The following PRKG1 variants were observed in gnomAD, a reference collection of about 807,000 sequenced individuals.
PRKG1 encodes cGMP-dependent protein kinase 1.
PRKG1 carries 35 observed loss-of-function variants against 88.1 expected under a neutral mutation model. The observed-to-expected ratio is 0.40, with a 90% confidence interval of 0.30 to 0.53. The LOEUF (loss-of-function observed/expected upper bound fraction) is 0.53. Among genes scored for constraint, PRKG1 ranks in the 20% least tolerant of loss-of-function variants. The pLI, the probability that PRKG1 is intolerant of heterozygous loss-of-function variation, is 0.59. For synonymous variants in PRKG1, 303 were observed against 292.5 expected, an observed-to-expected ratio of 1.04 and a Z score of -0.37; for missense variants, 540 against 839.8, an observed-to-expected ratio of 0.64 and a Z score of 4.41.
chr10:52,062,925 C>T (rs758243129), intron 7 of PRKG1: 93 of 640,522 alleles, frequency 1.5e-4, no homozygotes, highest in Non-Finnish European at 2.1e-4. Flanking sequence ...GAGAGGAATT[C>T]CCTGCTAAAC....
chr10:51,242,510 C>G (rs1010407803), intron 2 of PRKG1, among the ~76,000 whole-genome samples: 12 of 152,154 alleles, frequency 7.9e-5, no homozygotes, highest in Non-Finnish European at 1.6e-4. Context: ...TATTGTGCAT[C>G]TGTAATACCC....
chr10:51,770,099 A>G (rs1470743152), intron 3 of PRKG1, among the ~76,000 whole-genome samples: 1 of 152,242 alleles, frequency 6.6e-6, no homozygotes, highest in Non-Finnish European at 1.5e-5. Context: ...CAAATATACT[A>G]ACTTCCTGAA....
intron 7 of PRKG1, among the ~76,000 whole-genome samples, chr10:52,082,244 C>T (rs1198013073): frequency 6.6e-6 from 1 of 152,130 alleles, no homozygotes; most frequent in Non-Finnish European, 1.5e-5. Context: ...GTCCCTCCCG[C>T]AACATATGGG....
intron 2 of PRKG1, among the ~76,000 whole-genome samples, chr10:51,233,079 A>G (rs1033964510): frequency 2.6e-5 from 4 of 152,210 alleles, no homozygotes; most frequent in African/African-American, 9.6e-5. Flanking sequence ...TGCAAGATAC[A>G]TATGCGCAAG....
At chr10:51,516,896 A>G (rs1841601853) in intron 3 of PRKG1, among the ~76,000 whole-genome samples, 1 of 152,206 alleles carries the variant, frequency 6.6e-6, no homozygotes, top group African/African-American at 2.4e-5. Flanking sequence ...AAATATACAA[A>G]AATAAGTTAT....
chr10:51,725,780 C>T (rs1233628866), intron 3 of PRKG1, among the ~76,000 whole-genome samples: 2 of 151,938 alleles, frequency 1.3e-5, no homozygotes, highest in Non-Finnish European at 2.9e-5. Flanking sequence ...ACTACAGGCA[C>T]ATGCCACCAT....
intron 3 of PRKG1, among the ~76,000 whole-genome samples, chr10:51,707,834 T>A (rs1222282566): frequency 1.3e-5 from 2 of 152,188 alleles, no homozygotes. Flanking sequence ...ATTATCACAG[T>A]TGAATGATCC....
At chr10:51,274,037 G>T (rs1014698800) in intron 2 of PRKG1, among the ~76,000 whole-genome samples, 28 of 152,134 alleles carry the variant, frequency 1.8e-4, no homozygotes, top group Admixed American at 1.7e-3. Flanking sequence ...TCCCAAGTTT[G>T]TTGTGAGCTT....
At chr10:51,557,385 T>G (rs1404185420) in intron 3 of PRKG1, among the ~76,000 whole-genome samples, 2 of 151,264 alleles carry the variant, frequency 1.3e-5, no homozygotes, top group East Asian at 2.1e-4. Flanking sequence ...TAATTAGTAC[T>G]GCCTTTGGGT....
chr10:52,208,252 G>A (rs1839872514), intron 9 of PRKG1, among the ~76,000 whole-genome samples: 1 of 152,064 alleles, frequency 6.6e-6, no homozygotes, highest in Admixed American at 6.6e-5. Flanking sequence ...ACAAATGAAA[G>A]GAACTCAAGA....
intron 5 of PRKG1, among the ~76,000 whole-genome samples, chr10:51,988,077 G>A (rs769577425): frequency 2.6e-5 from 4 of 151,802 alleles, no homozygotes; most frequent in Non-Finnish European, 4.4e-5. Flanking sequence ...CTTTTTCACA[G>A]GTAACCACCA....
At chr10:51,474,947 C>A (rs1265657643) in intron 3 of PRKG1, among the ~76,000 whole-genome samples, 4 of 151,896 alleles carry the variant, frequency 2.6e-5, no homozygotes, top group Admixed American at 1.3e-4. Context: ...AAACTGTCAT[C>A]CCATGCAGTC....
chr10:51,350,742 A>G (rs1344442235), intron 2 of PRKG1, among the ~76,000 whole-genome samples: 1 of 152,212 alleles, frequency 6.6e-6, no homozygotes, highest in Non-Finnish European at 1.5e-5. Context: ...AGAACAAGAA[A>G]TCAACATACA....
Position 51,757,506 on chromosome 10 carries a change from T to C in PRKG1, c.593-47079T>C, listed in dbSNP as rs113537494. On this transcript the variant is annotated intron_variant, in intron 3 of 17. Coordinates refer to ENST00000373980, the MANE Select transcript of PRKG1 (RefSeq NM_006258.4). The stretch of plus-strand genomic sequence containing the variant: ...TTGAAGGTAGTTTGCCCTAGGATCA[T>C]TGAGGAAATATGTAATGCTTTCAAT... Among the ~76,000 whole-genome samples the C allele has an allele frequency of 5.6e-3, 852 of 152,266 alleles. 15 individuals are homozygous for C. Among genetic ancestry groups the C allele is most frequent in the African/African-American group, 0.02 (811 of 41,550 alleles).
chr10:51,689,669 T>C (rs765566613), intron 3 of PRKG1, among the ~76,000 whole-genome samples: 2 of 152,196 alleles, frequency 1.3e-5, no homozygotes, highest in African/African-American at 4.8e-5. Flanking sequence ...TTACGTTTGC[T>C]TTGTCTGTGG....
At chr10:51,325,448 C>T (rs1841564690) in intron 2 of PRKG1, among the ~76,000 whole-genome samples, 1 of 152,136 alleles carries the variant, frequency 6.6e-6, no homozygotes, top group Non-Finnish European at 1.5e-5. Context: ...AAACGCCTGC[C>T]TCATTCTCCC....
intron 2 of PRKG1, among the ~76,000 whole-genome samples, chr10:51,353,834 A>G (rs1189312): frequency 0.95 from 144,610 of 152,254 alleles, 68,788 homozygotes; most frequent in East Asian, 1. Context: ...AAATCAAAGA[A>G]ATAACTGGAC....
At chr10:51,892,824 G>A (rs903991264) in intron 4 of PRKG1, among the ~76,000 whole-genome samples, 6 of 152,106 alleles carry the variant, frequency 3.9e-5, no homozygotes, top group African/African-American at 1.2e-4. Flanking sequence ...AACAAGGAGT[G>A]GGGGATCACC....
intron 3 of PRKG1, among the ~76,000 whole-genome samples, chr10:51,573,724 C>G (rs1837814395): frequency 6.6e-6 from 1 of 151,824 alleles, no homozygotes; most frequent in East Asian, 1.9e-4. Context: ...CTTAGTTACT[C>G]TGTCAGTGAG....
Sources: gnomAD v4.1 joint callset for allele counts (sites outside exome capture counted in the v4.1 genomes callset) on GRCh38, gnomAD v4.1.1 for gene constraint, MANE v1.5 for transcripts, NCBI Gene and HGNC (gene_info 2026-07-23, HGNC 2026-07-21) for gene names.